TMED3: variants seen among roughly 807,000 people sequenced by gnomAD.
TMED3 encodes transmembrane emp24 domain-containing protein 3.
In TMED3, 9 loss-of-function variants were observed where a neutral mutation model predicts 15.0. The ratio of observed to expected loss-of-function variants is 0.60; its 90% CI spans 0.36 to 1.04. The LOEUF is 1.04. TMED3 is among the 50% of genes least tolerant of loss of function. The pLI, the probability that TMED3 is intolerant of heterozygous loss-of-function variation, is 0.01. For missense variants in TMED3, 267 were observed against 278.9 expected, an observed-to-expected ratio of 0.96 and a Z score of 0.30; for synonymous variants, 117 against 121.4, an observed-to-expected ratio of 0.96 and a Z score of 0.24.
chr15:79,333,091 ACT>A (rs894555245), intron 2 of TMED3, among the ~76,000 whole-genome samples: 2 of 152,062 alleles, frequency 1.3e-5, no homozygotes, highest in African/African-American at 4.8e-5. Context: ...CAGTCTTTAA[ACT>A]CTGTGTATTC....
At position 79,360,485 on chromosome 15, in the gene TMED3, G is replaced by A. The variant is rs1893101892; in HGVS notation, c.417+46480G>A. 2.0e-5 allele frequency among the ~76,000 whole-genome samples: 3 copies of A among 152,214 alleles called. No homozygotes were observed. In the South Asian group the frequency reaches 6.2e-4, roughly 32 times the overall value. On this transcript the variant is annotated intron_variant, in intron 2 of 2. Transcript: ENST00000424155. Reference sequence around the variant, plus strand: ...TTTGTGTAGACCCAAGGGCAGAAGAGAAAGGGCAATAATAGCTACTAACTG... The same window carrying A: ...TTTGTGTAGACCCAAGGGCAGAAGAAAAAGGGCAATAATAGCTACTAACTG...
chr15:79,338,538 T>G (rs1432412921), intron 2 of TMED3, among the ~76,000 whole-genome samples: 1 of 152,224 alleles, frequency 6.6e-6, no homozygotes, highest in Non-Finnish European at 1.5e-5. Flanking sequence ...CACGAGCTGT[T>G]CCTGTATAGT....
chr15:79,317,826 A>G (rs1284807375), intron 2 of TMED3, among the ~76,000 whole-genome samples: 1 of 152,204 alleles, frequency 6.6e-6, no homozygotes, highest in Non-Finnish European at 1.5e-5. Flanking sequence ...TTCTCTTCCC[A>G]GTAGAATTGC....
rs117716492 is a variant in TMED3 at position 79,341,968 on chromosome 15, C to T, written c.417+27963C>T. On this transcript the variant is annotated intron_variant, in intron 2 of 2. Transcript: ENST00000424155. ...GACCCAGAGTGTCATCAGTGCTAGG[C>T]TGAGAAACCTTGGTTGGTACAAAAA... Among the ~76,000 whole-genome samples the T allele has an allele frequency of 8.3e-3, 1,259 of 152,156 alleles. 7 individuals are homozygous for T. The highest frequency in any genetic ancestry group is 0.011 in the Non-Finnish European group (766 of 68,010).
chr15:79,377,801 C>T (rs375620647), intron 2 of TMED3, among the ~76,000 whole-genome samples: 1,584 of 152,194 alleles, frequency 0.01, 17 homozygotes, highest in African/African-American at 0.036. Flanking sequence ...CGCCCGCCAC[C>T]GCGCCGGGCC....
intron 2 of TMED3, among the ~76,000 whole-genome samples, chr15:79,354,674 G>A (rs541250869): frequency 6.6e-6 from 1 of 152,026 alleles, no homozygotes; most frequent in East Asian, 1.9e-4. Context: ...AGGAAAAAAG[G>A]GGACTCTTTG....
intron 2 of TMED3, among the ~76,000 whole-genome samples, chr15:79,381,131 T>C (rs1467516091): frequency 2.6e-5 from 4 of 152,210 alleles, no homozygotes; most frequent in Non-Finnish European, 5.9e-5. Flanking sequence ...AGGGGTATTC[T>C]TGCAAAATCT....
chr15:79,413,758 C>G (rs1258128377), exon 3 of TMED3: 1 of 152,186 alleles, frequency 6.6e-6, no homozygotes, highest in African/African-American at 2.4e-5. Flanking sequence ...TGTATCCCAG[C>G]ACTATCTAGG....
At chr15:79,344,222 C>G (rs1390779404) in intron 2 of TMED3, among the ~76,000 whole-genome samples, 1 of 152,124 alleles carries the variant, frequency 6.6e-6, no homozygotes, top group African/African-American at 2.4e-5. Context: ...CCAGAAGATG[C>G]CTTTTCAGGA....
chr15:79,339,999 T>A (rs1388363424), intron 2 of TMED3, among the ~76,000 whole-genome samples: 1 of 152,108 alleles, frequency 6.6e-6, no homozygotes, highest in Non-Finnish European at 1.5e-5. Flanking sequence ...CTGCATAATA[T>A]CATACACTTC....
At chr15:79,387,615 C>T (rs201295707) in intron 2 of TMED3, among the ~76,000 whole-genome samples, 1 of 151,064 alleles carries the variant, frequency 6.6e-6, no homozygotes, top group Non-Finnish European at 1.5e-5. Flanking sequence ...CACACACACA[C>T]ACACATACAC....
At chr15:79,324,515 A>G (rs188636175), downstream of TMED3, among the ~76,000 whole-genome samples, 62 of 152,334 alleles carry the variant, frequency 4.1e-4, no homozygotes, top group Non-Finnish European at 7.5e-4. Context: ...GATGGGTATC[A>G]AATCGTCTTA....
intron 1 of TMED3, 79 bp downstream of exon 1, chr15:79,311,496 G>C: frequency 1.4e-6 from 2 of 1,476,754 alleles, no homozygotes; most frequent in Non-Finnish European, 1.8e-6. Context: ...CCCCTGACTG[G>C]AGGCGCTCGA....
chr15:79,313,089 T>C (rs1260395197), intron 1 of TMED3, among the ~76,000 whole-genome samples: 2 of 152,206 alleles, frequency 1.3e-5, no homozygotes, highest in Non-Finnish European at 2.9e-5. Flanking sequence ...CCTCACTTCA[T>C]GGATAAAGAC....
chr15:79,319,810 G>A (rs1301500311), intron 2 of TMED3, among the ~76,000 whole-genome samples: 1 of 152,224 alleles, frequency 6.6e-6, no homozygotes, highest in Non-Finnish European at 1.5e-5. Context: ...AGAGAGAAGA[G>A]AGAGAGACAG....
chr15:79,369,295 T>C (rs1243541725), intron 2 of TMED3, among the ~76,000 whole-genome samples: 2 of 152,102 alleles, frequency 1.3e-5, no homozygotes, highest in African/African-American at 4.8e-5. Flanking sequence ...TTGAAAAACA[T>C]GCCTGCTACT....
chr15:79,401,993 G>A (rs1250259184), intron 2 of TMED3, among the ~76,000 whole-genome samples: 1 of 152,156 alleles, frequency 6.6e-6, no homozygotes, highest in Non-Finnish European at 1.5e-5. Context: ...GGGAAAGGAG[G>A]TCATTGTCTT....
downstream of TMED3, chr15:79,322,940 C>G: frequency 1.0e-6 from 1 of 972,132 alleles, no homozygotes. Context: ...CATAGAGTAC[C>G]TAGAGAGGTG....
At chr15:79,367,130 T>C (rs943306934) in intron 2 of TMED3, among the ~76,000 whole-genome samples, 4 of 152,190 alleles carry the variant, frequency 2.6e-5, no homozygotes, top group Non-Finnish European at 5.9e-5. Context: ...GGGTGAAGGA[T>C]TTAGGTGGAG....
Sources: allele counts gnomAD v4.1 joint callset (sites outside exome capture counted in the v4.1 genomes callset), GRCh38; gene constraint gnomAD v4.1.1; transcripts MANE v1.5; gene names NCBI Gene and HGNC (gene_info 2026-07-23, HGNC 2026-07-21).